METTL5: variants seen among roughly 807,000 people sequenced by gnomAD.
METTL5 encodes rRNA N(6)-adenosine-methyltransferase METTL5.
Under a neutral mutation model 26.5 loss-of-function variants are expected in METTL5, and 28 were observed. The observed-to-expected ratio is 1.06, with a 90% confidence interval of 0.78 to 1.45. The LOEUF (loss-of-function observed/expected upper bound fraction) is 1.45. METTL5 is among the 40% of genes most tolerant of loss of function. METTL5 has a pLI of 0.00. For missense variants in METTL5, 231 were observed against 249.9 expected (o/e 0.92, Z 0.51); for synonymous variants, 86 against 82.6 (o/e 1.04, Z -0.22).
At chr2:169,820,283 A>G (rs1034102058) in intron 3 of METTL5, among the ~76,000 whole-genome samples, 1 of 152,102 alleles carries the variant, frequency 6.6e-6, no homozygotes, top group African/African-American at 2.4e-5. Flanking sequence ...TCCTACCCTC[A>G]CTGACTTCCT....
At chr2:169,815,007 T>A (rs1033633677) in intron 5 of METTL5, among the ~76,000 whole-genome samples, 1 of 152,106 alleles carries the variant, frequency 6.6e-6, no homozygotes, top group African/African-American at 2.4e-5. Context: ...TTCTCCCGCC[T>A]CAGTCTCCCA....
chr2:169,812,105 T>C, intron 6 of METTL5: 1 of 581,016 alleles, frequency 1.7e-6, no homozygotes, highest in South Asian at 2.3e-5. Context: ...CCAAAGCATT[T>C]AGGAAAGAAC....
chr2:169,814,888 CATTT>C (rs1690094489), intron 5 of METTL5, among the ~76,000 whole-genome samples: 1 of 144,874 alleles, frequency 6.9e-6, no homozygotes, highest in Non-Finnish European at 1.5e-5. Context: ...TTTTTTTTTT[CATTT>C]GTTTGTTTTT....
chr2:169,823,514 C>T (rs2105724897), intron 1 of METTL5, among the ~76,000 whole-genome samples: 1 of 152,252 alleles, frequency 6.6e-6, no homozygotes, highest in East Asian at 1.9e-4. Flanking sequence ...TGCAGGTACT[C>T]TCAGAAAATT....
chr2:169,822,047 G>C lies in METTL5; in HGVS notation c.120C>G (p.Leu40=). The C allele has an allele frequency of 6.3e-7, 1 of 1,599,300 alleles. No individual in the cohort carries two copies. Among genetic ancestry groups the C allele is most frequent in the Non-Finnish European group, 8.5e-7 (1 of 1,176,950 alleles). ...CATCATAAGTGTTATGGATTGTATA[G>C]AGCATACATGCTAAAAAATAAAAAA... ...PTRPHIAACM[L]YTIHNTYDDI... is the part of the protein sequence containing the mutation. Residue 40 remains leucine (L), a synonymous_variant, in exon 2 of 7, where the codon CTC becomes CTG. Coordinates refer to ENST00000260953, the MANE Select transcript of METTL5 (RefSeq NM_014168.4).
At chr2:169,818,928 A>G (rs1476177808) in intron 4 of METTL5, among the ~76,000 whole-genome samples, 1 of 152,220 alleles carries the variant, frequency 6.6e-6, no homozygotes, top group Non-Finnish European at 1.5e-5. Context: ...AATTACCTTG[A>G]TGATGAAACT....
At chr2:169,812,753 A>G (rs1337640935) in intron 5 of METTL5, 2 of 373,876 alleles carry the variant, frequency 5.3e-6, no homozygotes, top group African/African-American at 2.1e-5. Context: ...TTAGAAGGAT[A>G]AACAGTGGAC....
intron 4 of METTL5, 24 bp from the exon 5 acceptor site, chr2:169,815,552 A>G: frequency 6.5e-7 from 1 of 1,535,208 alleles, no homozygotes; most frequent in Non-Finnish European, 8.9e-7. Context: ...ATATGTTGTT[A>G]TGAGCTGATT....
intron 5 of METTL5, among the ~76,000 whole-genome samples, chr2:169,813,877 A>G (rs1690063231): frequency 6.6e-6 from 1 of 152,152 alleles, no homozygotes; most frequent in African/African-American, 2.4e-5. Flanking sequence ...AACAACAAAA[A>G]AACACCCCTA....
rs367560727 is a variant in METTL5, at chr2:169,824,894, G to T, written c.-297C>A. On this transcript the variant is annotated 5_prime_UTR_variant, in exon 1 of 7. Coordinates refer to ENST00000260953, the MANE Select transcript of METTL5 (RefSeq NM_014168.4). ...TCTGGAGGCGACCCGCACCTCGGCC[G>T]GTGCCGGAAGCGCCAGGCCGCACGC... The T allele has an allele frequency of 6.1e-4, 122 of 199,516 alleles. 1 individual carries two copies. The East Asian group carries it at 0.011, about 19-fold the overall frequency. 12.4% of individuals were successfully genotyped at this position (199,516 alleles called of 1,614,324 possible). A position where few individuals can be genotyped will look rare whatever the true frequency, so the allele number is the denominator to read the frequency against.
intron 5 of METTL5, chr2:169,812,763 C>A (rs1007218529): frequency 7.8e-5 from 25 of 322,020 alleles, no homozygotes; most frequent in Non-Finnish European, 1.3e-4. Flanking sequence ...AAACAGTGGA[C>A]GAAAAAGTAA....
At chr2:169,813,375 C>G (rs1013024039) in intron 5 of METTL5, among the ~76,000 whole-genome samples, 1 of 151,480 alleles carries the variant, frequency 6.6e-6, no homozygotes, top group Non-Finnish European at 1.5e-5. Context: ...AAGATCTGCC[C>G]ACCTCAGCCT....
intron 3 of METTL5, 119 bp downstream of exon 3, chr2:169,820,973 T>A (rs2081575657): frequency 6.4e-6 from 5 of 784,770 alleles, no homozygotes; most frequent in Non-Finnish European, 9.8e-6. Flanking sequence ...CAAATGATCC[T>A]CCTGTATCAG....
In METTL5 at chr2:169,824,643, G is replaced by C. The variant is rs1254367608; in HGVS notation, c.-46C>G. The C allele has an allele frequency of 2.8e-6, 4 of 1,416,118 alleles. No individual in the cohort carries two copies. Among genetic ancestry groups the C allele is most frequent in the Non-Finnish European group, 3.0e-6 (3 of 999,746 alleles). 87.7% of individuals were successfully genotyped at this position (1,416,118 alleles called of 1,614,324 possible). On this transcript the variant is annotated 5_prime_UTR_variant, in exon 1 of 7. Transcript: ENST00000260953. The stretch of plus-strand genomic sequence containing the variant: ...CGTAGGGTTTGAAGGCACAGGATCT[G>C]CGGAGAAATCTATTGAACTGGGATC...
At chr2:169,817,433 A>G (rs903479655) in intron 4 of METTL5, among the ~76,000 whole-genome samples, 1 of 152,212 alleles carries the variant, frequency 6.6e-6, no homozygotes, top group African/African-American at 2.4e-5. Context: ...ATGACTGGGT[A>G]TATACCCAAA....
intron 4 of METTL5, among the ~76,000 whole-genome samples, chr2:169,819,314 A>C (rs2081551996): frequency 6.6e-6 from 1 of 151,930 alleles, no homozygotes; most frequent in African/African-American, 2.4e-5. Flanking sequence ...ACACTTTTCT[A>C]CTCCTGAGTT....
chr2:169,814,891 T>A (rs1690094622), intron 5 of METTL5, among the ~76,000 whole-genome samples: 1 of 148,750 alleles, frequency 6.7e-6, no homozygotes, highest in Non-Finnish European at 1.5e-5. Flanking sequence ...TTTTTTTCAT[T>A]TGTTTGTTTT....
Position 169,824,480 on chromosome 2 carries a change from C to A in METTL5, c.109+9G>T. 6.2e-7 allele frequency: 1 copy of A among 1,605,672 alleles called. No homozygotes were observed. The highest frequency in any genetic ancestry group is 8.5e-7 in the Non-Finnish European group (1 of 1,172,344). ...CGAAAGCCGGGGCGTGGTGAACCAGCCGCCCTACCTGCAATGTGCGGCCTG... is the reference window on the plus strand; with the variant it reads ...CGAAAGCCGGGGCGTGGTGAACCAGACGCCCTACCTGCAATGTGCGGCCTG... On this transcript the variant is annotated intron_variant, in intron 1 of 6. Transcript: ENST00000260953.
At chr2:169,812,568 A>C in intron 5 of METTL5, 62 bp from the exon 6 acceptor site, 2 of 1,530,548 alleles carry the variant, frequency 1.3e-6, no homozygotes, top group Non-Finnish European at 1.8e-6. Context: ...ACCCTTGACT[A>C]AACAACAACA....
Sources: allele counts gnomAD v4.1 joint callset (sites outside exome capture counted in the v4.1 genomes callset), GRCh38; gene constraint gnomAD v4.1.1; transcripts MANE v1.5; gene names NCBI Gene and HGNC (gene_info 2026-07-23, HGNC 2026-07-21).